Variants in DST observed in about 807,000 individuals in gnomAD.
DST encodes dystonin.
In DST, 253 loss-of-function variants were observed where a neutral mutation model predicts 875.2. That is an observed-to-expected ratio of 0.29 (90% CI 0.26 to 0.32). The LOEUF (loss-of-function observed/expected upper bound fraction) is 0.32, where lower values mean the gene tolerates loss of function less well. DST is among the 10% of genes least tolerant of loss of function. The pLI is 1.00. For synonymous variants in DST, 3,124 were observed against 3,197.1 expected (o/e 0.98, Z 0.77); for missense variants, 8,287 against 9,111.6 (o/e 0.91, Z 3.68).
intron 4 of DST, among the ~76,000 whole-genome samples, chr6:56,783,883 T>C (rs1051103861): frequency 4.6e-5 from 7 of 152,362 alleles, no homozygotes; most frequent in African/African-American, 1.7e-4. Flanking sequence ...TTTCCATGTT[T>C]AGTGCTTCCT....
At position 56,605,703 on chromosome 6, in the gene DST, A is replaced by T; in HGVS notation, c.8925T>A (p.Ser2975=). 1 of 1,612,960 alleles carries T rather than the reference A, an allele frequency of 6.2e-7. No individual in the cohort carries two copies. The highest frequency in any genetic ancestry group is 8.5e-7 in the Non-Finnish European group (1 of 1,179,380). Residue 2975 remains serine, a synonymous_variant, in exon 40 of 104, where the codon TCT becomes TCA. Transcript: ENST00000680361. ...TAAAATATTCATCTTTACCTTTCAC[A>T]GAATCAGTCAATTCTGGCAATTCTG... is the stretch of plus-strand genomic sequence containing the variant. ...QGSELPELTD[S]VKGKDEYFKN...
Position 56,501,509 on chromosome 6 carries a change from T to C in DST, c.19740+11A>G. 3 of 1,492,396 alleles carry C rather than the reference T, an allele frequency of 2.0e-6. No homozygotes were observed. The highest frequency in any genetic ancestry group is 1.8e-6 in the Non-Finnish European group (2 of 1,123,344). The allele number at this position is 1,492,396 out of a possible 1,614,324, so 92.4% of individuals were successfully genotyped here. On this transcript the variant is annotated intron_variant, in intron 79 of 103. Coordinates refer to ENST00000680361, the MANE Select transcript of DST (RefSeq NM_001374736.1). ...AATTTATAATTTCTTAAGAAAAGTC[T>C]TGGTATTTACCTGTCTGTTGATGAT...
chr6:56,548,208 T>A (rs1334428749), intron 61 of DST, among the ~76,000 whole-genome samples: 2 of 152,214 alleles, frequency 1.3e-5, no homozygotes, highest in South Asian at 2.1e-4. Flanking sequence ...GCAAAAAAAA[T>A]CTTGTCATGT....
At chr6:56,499,530 G>A (rs1044402504) in intron 80 of DST, among the ~76,000 whole-genome samples, 1 of 152,116 alleles carries the variant, frequency 6.6e-6, no homozygotes, top group African/African-American at 2.4e-5. Context: ...GAGCTTAGGA[G>A]TAGGAGAAGA....
chr6:56,774,000 G>T (rs945336603), intron 4 of DST, among the ~76,000 whole-genome samples: 1 of 151,316 alleles, frequency 6.6e-6, no homozygotes, highest in Non-Finnish European at 1.5e-5. Context: ...TATAATCCCA[G>T]CTACCTGGGA....
intron 5 of DST, among the ~76,000 whole-genome samples, chr6:56,704,880 C>CA (rs1439012286): frequency 6.6e-6 from 1 of 152,140 alleles, no homozygotes; most frequent in Non-Finnish European, 1.5e-5. Context: ...ATAATTATTT[C>CA]AAAAAAATTT....
intron 54 of DST, among the ~76,000 whole-genome samples, chr6:56,568,871 T>C (rs1233214803): frequency 6.6e-6 from 1 of 152,174 alleles, no homozygotes; most frequent in African/African-American, 2.4e-5. Flanking sequence ...TCCTGGCTGC[T>C]ATGGGTTCCA....
chr6:56,916,522 C>T (rs1484019335), intron 2 of DST, among the ~76,000 whole-genome samples: 5 of 152,018 alleles, frequency 3.3e-5, no homozygotes, highest in Non-Finnish European at 5.9e-5. Context: ...GAGGCCAAGG[C>T]GAGCAGATCG....
In DST at chr6:56,459,029, T is replaced by C. The variant is rs769595354; in HGVS notation, c.23433A>G (p.Lys7811=). ...ACTATCTCTTTGAGGACTTGTCCAA[T>C]TTGCTGGCAGGTGATTTCCTCTGGG... ...PTPQRKSPAS[K]LDKSSKR Residue 7811 remains lysine (K), a synonymous_variant, in exon 104 of 104, where the codon AAA becomes AAG. Coordinates refer to ENST00000680361, the MANE Select transcript of DST (RefSeq NM_001374736.1). 2.6e-5 allele frequency: 42 copies of C among 1,612,182 alleles called. No homozygotes were observed. The highest frequency in any genetic ancestry group is 2.5e-4 in the Admixed American group (15 of 59,964).
At chr6:56,706,581 A>C (rs1349606555) in intron 5 of DST, among the ~76,000 whole-genome samples, 1 of 152,206 alleles carries the variant, frequency 6.6e-6, no homozygotes, top group African/African-American at 2.4e-5. Flanking sequence ...GACTGGTTTC[A>C]TGGGAGACAG....
chr6:56,663,078 T>C lies in DST; in HGVS notation c.1214+7563A>G, dbSNP rs78538777. ...GAAGGCCAGGAACATAAAAAGAAAG[T>C]AATATATTCAGATATTTCCTCCAAA... is the stretch of plus-strand genomic sequence containing the variant. On this transcript the variant is annotated intron_variant, in intron 10 of 103. Coordinates refer to ENST00000680361, the MANE Select transcript of DST (RefSeq NM_001374736.1). Among the ~76,000 whole-genome samples the C allele has an allele frequency of 3.3e-3, 508 of 152,338 alleles. 2 individuals are homozygous for C. The highest frequency in any genetic ancestry group is 0.012 in the African/African-American group (492 of 41,570).
At chr6:56,877,860 T>C (rs1780233343) in intron 3 of DST, among the ~76,000 whole-genome samples, 1 of 152,194 alleles carries the variant, frequency 6.6e-6, no homozygotes, top group African/African-American at 2.4e-5. Flanking sequence ...ATTGGAAGTA[T>C]TTAGAGACTT....
At chr6:56,670,129 C>CGTGTGT (rs1005416477) in intron 10 of DST, among the ~76,000 whole-genome samples, 3 of 107,826 alleles carry the variant, frequency 2.8e-5, no homozygotes, top group African/African-American at 1.2e-4. Context: ...TGCGAGCGCC[C>CGTGTGT]GTGCGTGTGT....
chr6:56,873,295 T>C (rs1778204252), intron 3 of DST, among the ~76,000 whole-genome samples: 1 of 152,226 alleles, frequency 6.6e-6, no homozygotes, highest in African/African-American at 2.4e-5. Flanking sequence ...TTCTGTGGGC[T>C]GTCTCTTCTC....
At position 56,683,150 on chromosome 6, in the gene DST, C is replaced by T. The variant is rs146287158; in HGVS notation, c.1048-12343G>A. On this transcript the variant is annotated intron_variant, in intron 9 of 103. Coordinates refer to ENST00000680361, the MANE Select transcript of DST (RefSeq NM_001374736.1). ...TTGATTTCTGTAGGAAGAAGGGGGT[C>T]TTATATCCCCATTTTCTCTCTTCCC... 2.0e-5 allele frequency among the ~76,000 whole-genome samples: 3 copies of T among 152,274 alleles called. No homozygotes were observed. The East Asian group carries it at 5.8e-4, about 29-fold the overall frequency.
intron 34 of DST, among the ~76,000 whole-genome samples, chr6:56,626,259 T>G (rs1017720609): frequency 3.3e-5 from 5 of 152,152 alleles, no homozygotes; most frequent in Non-Finnish European, 5.9e-5. Flanking sequence ...CCTAGGCCTC[T>G]ACCTTCACTC....
In DST at chr6:56,951,652, A is replaced by AT. The variant is rs544941327; in HGVS notation, c.216+2132dup. Among the ~76,000 whole-genome samples the AT allele has an allele frequency of 6.0e-3, 918 of 152,268 alleles. 11 individuals are homozygous for AT. The highest frequency in any genetic ancestry group is 0.044 in the Middle Eastern group (13 of 294). On this transcript the variant is annotated intron_variant, in intron 2 of 103. Coordinates refer to ENST00000680361, the MANE Select transcript of DST (RefSeq NM_001374736.1). ...CATTCTTTTGCAACACAGTCCCATAATTTTCACTTATAAATGGCATTCTTT... is the reference window on the plus strand; with the variant it reads ...CATTCTTTTGCAACACAGTCCCATAATTTTTCACTTATAAATGGCATTCTTT...
intron 3 of DST, among the ~76,000 whole-genome samples, chr6:56,894,036 T>C (rs1789393452): frequency 4.9e-5 from 1 of 20,466 alleles, no homozygotes; most frequent in South Asian, 9.9e-4. Context: ...ATTTCTCAAT[T>C]TTTTCCCCAC....
In DST at chr6:56,620,650, TG is replaced by T. The variant is rs1426568243; in HGVS notation, c.4929+3879del. On this transcript the variant is annotated intron_variant, in intron 36 of 103. Transcript: ENST00000680361. ...TAAGTTTGCTATTCTCAAGCACTGT[TG>T]CCTTCTGACGCTGAAGCAGATCTGA... The T allele has an allele frequency of 1.4e-5, 22 of 1,614,086 alleles. No individual in the cohort carries two copies. The Admixed American group carries it at 3.5e-4, about 26-fold the overall frequency.
Sources: gnomAD v4.1 joint callset for allele counts (sites outside exome capture counted in the v4.1 genomes callset) on GRCh38, gnomAD v4.1.1 for gene constraint, MANE v1.5 for transcripts, NCBI Gene and HGNC (gene_info 2026-07-23, HGNC 2026-07-21) for gene names.